MDGA2: variants seen among roughly 807,000 people sequenced by gnomAD.
MDGA2 encodes MAM domain-containing glycosylphosphatidylinositol anchor protein 2.
In MDGA2, 40 loss-of-function variants were observed where a neutral mutation model predicts 117.8. That is an observed-to-expected ratio of 0.34 (90% CI 0.26 to 0.44). The LOEUF (loss-of-function observed/expected upper bound fraction) is 0.44. Among genes scored for constraint, MDGA2 ranks in the 20% least tolerant of loss-of-function variants. MDGA2 has a pLI of 1.00. For synonymous variants in MDGA2, 452 were observed against 439.0 expected (o/e 1.03, Z -0.37); for missense variants, 1,123 against 1,250.6 (o/e 0.90, Z 1.54).
At chr14:47,153,155 C>A (rs1293978490) in intron 3 of MDGA2, among the ~76,000 whole-genome samples, 1 of 152,146 alleles carries the variant, frequency 6.6e-6, no homozygotes, top group South Asian at 2.1e-4. Context: ...CAGGCTTTCG[C>A]TTTAGAAAGA....
intron 1 of MDGA2, among the ~76,000 whole-genome samples, chr14:47,325,156 T>C (rs1890106887): frequency 6.6e-6 from 1 of 152,196 alleles, no homozygotes; most frequent in Non-Finnish European, 1.5e-5. Flanking sequence ...AAAAGTGGTA[T>C]ATTCTGATTG....
chr14:47,646,481 G>A (rs998331231), intron 1 of MDGA2, among the ~76,000 whole-genome samples: 4 of 152,116 alleles, frequency 2.6e-5, no homozygotes, highest in African/African-American at 9.7e-5. Context: ...ATGCTTCAGA[G>A]TCTTTCTTCT....
At chr14:47,404,155 T>C (rs11845080) in intron 1 of MDGA2, among the ~76,000 whole-genome samples, 117,190 of 151,620 alleles carry the variant, frequency 0.77, 45,515 homozygotes, top group Middle Eastern at 0.85. Context: ...AACATAGCAA[T>C]GGGTGAGAAA....
chr14:47,362,932 T>C (rs1251246164), intron 1 of MDGA2, among the ~76,000 whole-genome samples: 2 of 152,216 alleles, frequency 1.3e-5, no homozygotes. Context: ...ATAGTTTTTG[T>C]TTTGAATTGA....
At chr14:46,913,533 T>C (rs1303744847) in intron 10 of MDGA2, among the ~76,000 whole-genome samples, 2 of 152,160 alleles carry the variant, frequency 1.3e-5, no homozygotes, top group African/African-American at 4.8e-5. Flanking sequence ...AAGCAATAGC[T>C]CAACCATTAT....
intron 9 of MDGA2, among the ~76,000 whole-genome samples, chr14:46,931,214 C>CAAAAA (rs34493526): frequency 3.9e-5 from 3 of 76,286 alleles, no homozygotes; most frequent in African/African-American, 9.6e-5. Flanking sequence ...GACTACATCT[C>CAAAAA]AAAAAAAAAA....
chr14:47,666,130 C>T (rs867184623), intron 1 of MDGA2, among the ~76,000 whole-genome samples: 1 of 152,064 alleles, frequency 6.6e-6, no homozygotes, highest in African/African-American at 2.4e-5. Context: ...CCAATCAGCA[C>T]CCTGTGTCTA....
chr14:47,670,555 A>G (rs1898055725), intron 1 of MDGA2, among the ~76,000 whole-genome samples: 1 of 152,194 alleles, frequency 6.6e-6, no homozygotes, highest in Non-Finnish European at 1.5e-5. Flanking sequence ...AATGACTTAC[A>G]AAGAAAACTT....
rs577887003 is a variant in MDGA2, at chr14:47,305,207, T to C, written c.281-3657A>G. 1.8e-3 allele frequency: 279 copies of C among 152,324 alleles called. 3 individuals are homozygous for C. Among genetic ancestry groups the C allele is most frequent in the African/African-American group, 6.5e-3 (270 of 41,580 alleles). 9.4% of individuals were successfully genotyped at this position (152,324 alleles called of 1,614,324 possible). A position where few individuals can be genotyped will look rare whatever the true frequency, so the allele number is the denominator to read the frequency against. ...GCAGTGCATTTGCTTACTTTAAATA[T>C]AAATGCAATTTGCAGTTTTATACCT... is the stretch of plus-strand genomic sequence containing the variant. On this transcript the variant is annotated intron_variant, in intron 1 of 16. Transcript: ENST00000399232.
chr14:47,016,960 A>G (rs938053961), intron 8 of MDGA2, among the ~76,000 whole-genome samples: 1 of 151,532 alleles, frequency 6.6e-6, no homozygotes. Flanking sequence ...TCCATATTCT[A>G]TCTTATTTTC....
intron 1 of MDGA2, among the ~76,000 whole-genome samples, chr14:47,665,127 A>C (rs1688877335): frequency 6.6e-6 from 1 of 151,980 alleles, no homozygotes; most frequent in Admixed American, 6.6e-5. Flanking sequence ...TCCACCTAGA[A>C]CCCACACAAT....
chr14:47,227,221 G>A (rs1886537130), intron 2 of MDGA2, among the ~76,000 whole-genome samples: 1 of 152,094 alleles, frequency 6.6e-6, no homozygotes, highest in Admixed American at 6.5e-5. Flanking sequence ...GGGATTCAGA[G>A]TTACTTGCAC....
chr14:47,032,149 G>A (rs1441968421), intron 8 of MDGA2, among the ~76,000 whole-genome samples: 12 of 152,020 alleles, frequency 7.9e-5, no homozygotes, highest in Admixed American at 7.9e-4. Flanking sequence ...AATTGCTAAG[G>A]ATGATACAAA....
intron 1 of MDGA2, among the ~76,000 whole-genome samples, chr14:47,516,444 C>T (rs1894752835): frequency 6.6e-6 from 1 of 152,126 alleles, no homozygotes; most frequent in Admixed American, 6.6e-5. Context: ...TTCAAAGGGA[C>T]ACATGTTTAA....
At chr14:47,550,952 C>A (rs761869021) in intron 1 of MDGA2, among the ~76,000 whole-genome samples, 7 of 152,080 alleles carry the variant, frequency 4.6e-5, no homozygotes, top group Non-Finnish European at 1.0e-4. Context: ...GGCCACCAGG[C>A]TGAATTGATC....
chr14:47,605,750 G>C (rs1896731241), intron 1 of MDGA2, among the ~76,000 whole-genome samples: 1 of 152,036 alleles, frequency 6.6e-6, no homozygotes, highest in Admixed American at 6.6e-5. Flanking sequence ...CCCCACAAAA[G>C]GCAAATTTGA....
At chr14:47,180,879 C>A (rs1436169402) in intron 3 of MDGA2, among the ~76,000 whole-genome samples, 3 of 152,130 alleles carry the variant, frequency 2.0e-5, no homozygotes, top group African/African-American at 7.2e-5. Context: ...TGAGATCGTG[C>A]CACTGCACTC....
chr14:47,220,951 A>T (rs948498262), intron 2 of MDGA2, among the ~76,000 whole-genome samples: 2 of 152,184 alleles, frequency 1.3e-5, no homozygotes, highest in Non-Finnish European at 2.9e-5. Flanking sequence ...CCATGATGAA[A>T]ATATTTGAAA....
At chr14:47,107,681 C>A (rs1336228978) in intron 5 of MDGA2, among the ~76,000 whole-genome samples, 5 of 150,966 alleles carry the variant, frequency 3.3e-5, no homozygotes, top group African/African-American at 9.8e-5. Flanking sequence ...TCTCTCAAAC[C>A]CAAGCACCTT....
Sources: allele counts gnomAD v4.1 joint callset (sites outside exome capture counted in the v4.1 genomes callset), GRCh38; gene constraint gnomAD v4.1.1; transcripts MANE v1.5; gene names NCBI Gene and HGNC (gene_info 2026-07-23, HGNC 2026-07-21).